MMP16: variants seen among roughly 807,000 people sequenced by gnomAD.
MMP16 encodes matrix metallopeptidase 16, also known as matrix metalloproteinase-16.
Under a neutral mutation model 67.8 loss-of-function variants are expected in MMP16, and 12 were observed. The observed-to-expected ratio is 0.18, with a 90% CI of 0.11 to 0.29. MMP16 has a LOEUF of 0.29. MMP16 is among the 10% of genes least tolerant of loss of function. The pLI, the probability that MMP16 is intolerant of heterozygous loss-of-function variation, is 1.00. For synonymous variants in MMP16, 249 were observed against 255.9 expected (o/e 0.97, Z 0.26); for missense variants, 475 against 765.7 (o/e 0.62, Z 4.48).
chr8:88,213,975 T>C (rs529491872), intron 1 of MMP16, among the ~76,000 whole-genome samples: 5 of 152,308 alleles, frequency 3.3e-5, no homozygotes, highest in African/African-American at 9.6e-5. Context: ...AGGGTACTAC[T>C]AGTAATTCAA....
At chr8:88,260,223 T>C (rs1205391237) in intron 1 of MMP16, among the ~76,000 whole-genome samples, 1 of 152,174 alleles carries the variant, frequency 6.6e-6, no homozygotes, top group Non-Finnish European at 1.5e-5. Context: ...TTTGAGTATA[T>C]TTTTAACTGT....
intron 6 of MMP16, among the ~76,000 whole-genome samples, chr8:88,101,088 C>A (rs941735868): frequency 4.0e-5 from 6 of 151,548 alleles, no homozygotes; most frequent in Non-Finnish European, 8.8e-5. Flanking sequence ...CAAACCTGCA[C>A]GTTGTGCACA....
intron 1 of MMP16, among the ~76,000 whole-genome samples, chr8:88,257,666 T>G (rs1295859539): frequency 6.6e-6 from 1 of 152,222 alleles, no homozygotes; most frequent in Non-Finnish European, 1.5e-5. Flanking sequence ...TGTTCACCAA[T>G]GCATTATAAG....
intron 1 of MMP16, among the ~76,000 whole-genome samples, chr8:88,238,460 C>A (rs887826649): frequency 3.3e-5 from 5 of 151,836 alleles, no homozygotes; most frequent in African/African-American, 7.3e-5. Flanking sequence ...GAGTTTGAGA[C>A]CAACCCGGCC....
In MMP16 at chr8:88,197,166, G is replaced by A; in HGVS notation, c.273C>T (p.Asn91=). The A allele has an allele frequency of 6.2e-7, 1 of 1,609,376 alleles. No homozygotes were observed. Among genetic ancestry groups the A allele is most frequent in the Non-Finnish European group, 8.5e-7 (1 of 1,178,590 alleles). ...TGGGAGCCATTACTTACTCAATTGTGTTTCTGTCCACTTTTCCTGTCATGT... is the reference window on the plus strand; with the variant it reads ...TGGGAGCCATTACTTACTCAATTGTATTTCTGTCCACTTTTCCTGTCATGT... ...GINMTGKVDR[N]TIDWMKKPRC... Residue 91 remains asparagine (N), a synonymous_variant, in exon 2 of 10, where the codon AAC becomes AAT. Transcript: ENST00000286614.
rs190872103 is a variant in MMP16, at chr8:88,293,701, T to A, written c.132+33374A>T. 2.0e-5 allele frequency among the ~76,000 whole-genome samples: 3 copies of A among 152,016 alleles called. No homozygotes were observed. In the East Asian group the frequency reaches 5.8e-4, roughly 29 times the overall value. ...ATCTATTATCTATAAAATAGGTAAC[T>A]TTTTTTTAGAAAACCAAAAGGAGCT... On this transcript the variant is annotated intron_variant, in intron 1 of 9. Transcript: ENST00000286614.
chr8:88,273,247 G>GGT (rs1563580401), intron 1 of MMP16, among the ~76,000 whole-genome samples: 1,428 of 85,682 alleles, frequency 0.017, 28 homozygotes, highest in African/African-American at 0.045. Flanking sequence ...ACCATGCCTG[G>GGT]CTTTTTTTTT....
chr8:88,171,830 ATTT>A (rs148093843), intron 3 of MMP16, among the ~76,000 whole-genome samples: 3 of 144,126 alleles, frequency 2.1e-5, no homozygotes, highest in Admixed American at 7.0e-5. Context: ...GATATGATGC[ATTT>A]TTTTTTTTTT....
intron 4 of MMP16, among the ~76,000 whole-genome samples, chr8:88,149,519 C>T (rs1184472470): frequency 2.0e-5 from 3 of 152,156 alleles, no homozygotes; most frequent in Admixed American, 2.0e-4. Flanking sequence ...GATCTGAGAA[C>T]GGGGGGACTG....
At chr8:88,262,338 G>A (rs1810400045) in intron 1 of MMP16, among the ~76,000 whole-genome samples, 1 of 152,132 alleles carries the variant, frequency 6.6e-6, no homozygotes, top group South Asian at 2.1e-4. Context: ...TATTTGATTT[G>A]ATTCTCAAGA....
chr8:88,287,981 G>A (rs1810860463), intron 1 of MMP16, among the ~76,000 whole-genome samples: 1 of 152,194 alleles, frequency 6.6e-6, no homozygotes, highest in Admixed American at 6.5e-5. Context: ...TAAGCCCCTT[G>A]AGTGAATAAA....
chr8:88,160,549 C>A (rs1808601365), intron 4 of MMP16, among the ~76,000 whole-genome samples: 1 of 152,058 alleles, frequency 6.6e-6, no homozygotes, highest in Non-Finnish European at 1.5e-5. Flanking sequence ...CCATCACTGG[C>A]CATCAGAGAA....
chr8:88,199,194 A>G (rs1185525035), intron 1 of MMP16, among the ~76,000 whole-genome samples: 1 of 152,082 alleles, frequency 6.6e-6, no homozygotes, highest in Admixed American at 6.6e-5. Flanking sequence ...AGAGAAAACC[A>G]TTAACAATAA....
At position 88,327,107 on chromosome 8, in the gene MMP16, C is replaced by T; in HGVS notation, c.100G>A (p.Val34Ile). ...QTLLWILCATVCGTEQYFNVE... is the reference protein window; with the variant it reads ...QTLLWILCATICGTEQYFNVE... ...TTGAAATACTGCTCCGTTCCGCAGA[C>T]TGTAGCACATAAAATCCAAAGCAAG... is the stretch of plus-strand genomic sequence containing the variant. Residue 34 changes from valine to isoleucine, a missense_variant, in exon 1 of 10, where the codon GTC (valine) becomes ATC (isoleucine). Coordinates refer to ENST00000286614, the MANE Select transcript of MMP16 (RefSeq NM_005941.5). 1 of 1,614,050 alleles carries T rather than the reference C, an allele frequency of 6.2e-7. No homozygotes were observed. Among genetic ancestry groups the T allele is most frequent in the Non-Finnish European group, 8.5e-7 (1 of 1,179,982 alleles).
At chr8:88,114,636 A>G (rs1809398624) in intron 6 of MMP16, among the ~76,000 whole-genome samples, 1 of 151,992 alleles carries the variant, frequency 6.6e-6, no homozygotes. Context: ...GCAAATGGAT[A>G]TTACAAAGAA....
chr8:88,101,315 T>A (rs1217305197), intron 6 of MMP16, among the ~76,000 whole-genome samples: 5 of 151,970 alleles, frequency 3.3e-5, no homozygotes, highest in African/African-American at 1.2e-4. Flanking sequence ...AATATGACTA[T>A]ACATCAGAAA....
intron 3 of MMP16, among the ~76,000 whole-genome samples, chr8:88,183,122 T>C (rs1255590989): frequency 1.3e-5 from 2 of 152,204 alleles, no homozygotes; most frequent in East Asian, 1.9e-4. Flanking sequence ...TTCTGTATGA[T>C]ATTGTATTGG....
At chr8:88,205,984 T>C (rs1304774419) in intron 1 of MMP16, among the ~76,000 whole-genome samples, 2 of 152,268 alleles carry the variant, frequency 1.3e-5, no homozygotes, top group African/African-American at 4.8e-5. Context: ...TTATCTCGAA[T>C]GGAAATACTT....
At chr8:88,213,117 G>T (rs1809536873) in intron 1 of MMP16, among the ~76,000 whole-genome samples, 1 of 152,056 alleles carries the variant, frequency 6.6e-6, no homozygotes, top group Admixed American at 6.6e-5. Flanking sequence ...CATGCTAAAT[G>T]GATTTGGGGG....
Sources: allele counts gnomAD v4.1 joint callset (sites outside exome capture counted in the v4.1 genomes callset), GRCh38; gene constraint gnomAD v4.1.1; transcripts MANE v1.5; gene names NCBI Gene and HGNC (gene_info 2026-07-23, HGNC 2026-07-21).